The following CHST11 variants were observed in gnomAD, a reference collection of about 807,000 sequenced individuals.
The protein encoded by CHST11 is C4S-1.
CHST11 carries 9 observed loss-of-function variants against 30.4 expected under a neutral mutation model. The observed-to-expected ratio is 0.30, with a 90% CI of 0.18 to 0.52. The LOEUF (loss-of-function observed/expected upper bound fraction) is 0.52. Among genes scored for constraint, CHST11 ranks in the 20% least tolerant of loss-of-function variants. The pLI, the probability that CHST11 is intolerant of heterozygous loss-of-function variation, is 0.97. For synonymous variants in CHST11, 152 were observed against 187.8 expected (o/e 0.81, Z 1.56); for missense variants, 348 against 460.6 (o/e 0.76, Z 2.24).
intron 2 of CHST11, among the ~76,000 whole-genome samples, chr12:104,677,620 C>T (rs2039754403): frequency 6.6e-6 from 1 of 152,144 alleles, no homozygotes; most frequent in Admixed American, 6.5e-5. Flanking sequence ...TGGGAGAAAC[C>T]ACTAGGAATT....
intron 2 of CHST11, among the ~76,000 whole-genome samples, chr12:104,657,002 C>T (rs921496028): frequency 2.7e-5 from 3 of 110,820 alleles, no homozygotes; most frequent in African/African-American, 1.3e-4. Context: ...TCTGATCAAA[C>T]TTCATCCTTT....
intron 1 of CHST11, among the ~76,000 whole-genome samples, chr12:104,546,015 T>G (rs942761748): frequency 6.6e-6 from 1 of 152,138 alleles, no homozygotes; most frequent in African/African-American, 2.4e-5. Flanking sequence ...CTACCCTCAT[T>G]ACCTAATTAC....
intron 1 of CHST11, among the ~76,000 whole-genome samples, chr12:104,548,654 G>A (rs1303243002): frequency 1.3e-5 from 2 of 152,170 alleles, no homozygotes. Flanking sequence ...GACCATAGCT[G>A]GGTTGCATGC....
At chr12:104,525,051 A>G (rs567835169) in intron 1 of CHST11, among the ~76,000 whole-genome samples, 6 of 152,166 alleles carry the variant, frequency 3.9e-5, no homozygotes, top group South Asian at 4.1e-4. Context: ...AAAAGATCAA[A>G]TCTTATGACT....
At chr12:104,711,800 T>A (rs1324155151) in intron 2 of CHST11, among the ~76,000 whole-genome samples, 1 of 152,186 alleles carries the variant, frequency 6.6e-6, no homozygotes, top group Non-Finnish European at 1.5e-5. Flanking sequence ...GGGTTCCAGG[T>A]CCACCTGGGG....
chr12:104,544,136 A>AG (rs2038313906), intron 1 of CHST11, among the ~76,000 whole-genome samples: 1 of 73,182 alleles, frequency 1.4e-5, no homozygotes, highest in African/African-American at 4.5e-5. Flanking sequence ...AAAAAAAAAA[A>AG]AAAAAGAAAG....
intron 1 of CHST11, among the ~76,000 whole-genome samples, chr12:104,475,704 A>T (rs2037553802): frequency 8.3e-6 from 1 of 120,280 alleles, no homozygotes; most frequent in African/African-American, 2.9e-5. Context: ...CTGATTATGA[A>T]ATTAATTCAA....
intron 1 of CHST11, among the ~76,000 whole-genome samples, chr12:104,508,726 A>G (rs1006241819): frequency 6.6e-6 from 1 of 152,188 alleles, no homozygotes; most frequent in Non-Finnish European, 1.5e-5. Flanking sequence ...ATCATATATG[A>G]GAAATGTGGC....
At chr12:104,737,667 G>A (rs2040312554) in intron 2 of CHST11, among the ~76,000 whole-genome samples, 1 of 152,208 alleles carries the variant, frequency 6.6e-6, no homozygotes, top group Admixed American at 6.5e-5. Flanking sequence ...AGTGGAGGAA[G>A]ACACAGAGTG....
chr12:104,607,137 T>C (rs1351961156), intron 2 of CHST11, among the ~76,000 whole-genome samples: 1 of 152,178 alleles, frequency 6.6e-6, no homozygotes, highest in East Asian at 1.9e-4. Context: ...ACCTGATAGA[T>C]AGCCCAGTGA....
intron 2 of CHST11, among the ~76,000 whole-genome samples, chr12:104,756,532 G>GGGGGTGTGTGTGTGT (rs1555250374): frequency 7.0e-6 from 1 of 143,292 alleles, no homozygotes; most frequent in Admixed American, 7.0e-5. Flanking sequence ...ATCCATGTGG[G>GGGGGTGTGTGTGTGT]GTGTGTGTGT....
intron 1 of CHST11, among the ~76,000 whole-genome samples, chr12:104,513,332 A>G (rs1313091853): frequency 1.3e-5 from 2 of 152,194 alleles, no homozygotes; most frequent in Non-Finnish European, 2.9e-5. Flanking sequence ...ATTCGTTAGC[A>G]AGAGGAATGC....
chr12:104,678,719 T>A (rs1347714475), intron 2 of CHST11, among the ~76,000 whole-genome samples: 1 of 152,226 alleles, frequency 6.6e-6, no homozygotes, highest in African/African-American at 2.4e-5. Flanking sequence ...ACAAGGTTTT[T>A]ATTTTTCTTC....
intron 1 of CHST11, among the ~76,000 whole-genome samples, chr12:104,501,604 C>T (rs949541392): frequency 1.4e-4 from 22 of 152,194 alleles, no homozygotes; most frequent in African/African-American, 4.8e-4. Context: ...CTCTGAGCAC[C>T]CTCCTTGGCA....
intron 1 of CHST11, among the ~76,000 whole-genome samples, chr12:104,478,180 T>C (rs1565955811): frequency 1.3e-5 from 2 of 151,578 alleles, no homozygotes; most frequent in Middle Eastern, 3.4e-3. Flanking sequence ...TGCTGATCGT[T>C]ACACACACAC....
chr12:104,727,759 G>GA (rs2136130569), intron 2 of CHST11, among the ~76,000 whole-genome samples: 1 of 152,336 alleles, frequency 6.6e-6, no homozygotes, highest in African/African-American at 2.4e-5. Flanking sequence ...CTAGGTGCTG[G>GA]AGACACAGCC....
chr12:104,595,292 A>G (rs889686388), intron 1 of CHST11, among the ~76,000 whole-genome samples: 1 of 152,208 alleles, frequency 6.6e-6, no homozygotes, highest in East Asian at 1.9e-4. Context: ...CAGGGGTTTT[A>G]AAACCCTGGT....
intron 1 of CHST11, among the ~76,000 whole-genome samples, chr12:104,491,023 T>C (rs2037739318): frequency 1.4e-5 from 1 of 71,972 alleles, no homozygotes; most frequent in East Asian, 7.8e-4. Flanking sequence ...GTCTCTGGCT[T>C]TTTTTTTTTT....
chr12:104,573,472 A>G (rs1308947252), intron 1 of CHST11, among the ~76,000 whole-genome samples: 7 of 152,360 alleles, frequency 4.6e-5, no homozygotes, highest in Non-Finnish European at 4.4e-5. Flanking sequence ...CTACAAGGCT[A>G]CAGTAACCAA....
Sources: gnomAD v4.1 joint callset for allele counts (sites outside exome capture counted in the v4.1 genomes callset) on GRCh38, gnomAD v4.1.1 for gene constraint, MANE v1.5 for transcripts, NCBI Gene and HGNC (gene_info 2026-07-23, HGNC 2026-07-21) for gene names.